Variants in PHF2 observed in about 807,000 individuals in gnomAD.
PHF2 encodes the protein lysine-specific demethylase PHF2.
Under a neutral mutation model 120.5 loss-of-function variants are expected in PHF2, and 27 were observed. That is an observed-to-expected ratio of 0.22 (90% confidence interval 0.17 to 0.31). The LOEUF (loss-of-function observed/expected upper bound fraction) is 0.31, where lower values mean the gene tolerates loss of function less well. PHF2 is among the 10% of genes least tolerant of loss of function. The pLI, the probability that PHF2 is intolerant of heterozygous loss-of-function variation, is 1.00. For synonymous variants in PHF2, 568 were observed against 592.5 expected (o/e 0.96, Z 0.60); for missense variants, 1,024 against 1,434.8 (o/e 0.71, Z 4.63).
At chr9:93,675,044 G>T in intron 19 of PHF2, 22 bp downstream of exon 19, 1 of 1,582,316 alleles carries the variant, frequency 6.3e-7, no homozygotes, top group Middle Eastern at 1.7e-4. Context: ...ACAGGGGTAG[G>T]GGGTCCACCT....
intron 16 of PHF2, among the ~76,000 whole-genome samples, chr9:93,666,786 C>A (rs1379864831): frequency 1.3e-5 from 2 of 151,952 alleles, no homozygotes; most frequent in Non-Finnish European, 2.9e-5. Context: ...AAAAATTAGC[C>A]GAGCGAGTGA....
intron 20 of PHF2, 25 bp downstream of exon 20, chr9:93,675,814 C>T (rs758598457): frequency 1.8e-5 from 29 of 1,568,708 alleles, no homozygotes; most frequent in African/African-American, 4.0e-5. Flanking sequence ...GAAGGACACA[C>T]GGCAGCCAGG....
chr9:93,578,704 T>A (rs1241371137), intron 1 of PHF2, among the ~76,000 whole-genome samples: 1 of 152,040 alleles, frequency 6.6e-6, no homozygotes, highest in East Asian at 1.9e-4. Context: ...AGGGAAAAAC[T>A]CCAGGAATGA....
intron 1 of PHF2, among the ~76,000 whole-genome samples, chr9:93,618,625 TA>T (rs751883422): frequency 2.6e-5 from 4 of 152,258 alleles, no homozygotes; most frequent in Non-Finnish European, 5.9e-5. Flanking sequence ...CACTTAACAA[TA>T]TATTTTTGGT....
intron 1 of PHF2, among the ~76,000 whole-genome samples, chr9:93,606,392 T>C (rs1435558468): frequency 6.6e-6 from 1 of 152,244 alleles, no homozygotes; most frequent in African/African-American, 2.4e-5. Flanking sequence ...TGGTGTTGTC[T>C]GTGTTCTGGA....
intron 5 of PHF2, among the ~76,000 whole-genome samples, chr9:93,652,754 T>C (rs1038347857): frequency 1.3e-5 from 2 of 152,188 alleles, no homozygotes; most frequent in Non-Finnish European, 2.9e-5. Context: ...TGTTGTCAGC[T>C]CTGGAGAGCA....
At chr9:93,645,539 C>T (rs758918070) in intron 3 of PHF2, 90 bp from the exon 4 acceptor site, 65 of 1,349,428 alleles carry the variant, frequency 4.8e-5, no homozygotes, top group Non-Finnish European at 6.0e-5. Flanking sequence ...GACCCAGGCT[C>T]ACCTCTCCAG....
intron 1 of PHF2, among the ~76,000 whole-genome samples, chr9:93,603,132 A>G (rs1032880416): frequency 2.0e-5 from 3 of 152,092 alleles, no homozygotes; most frequent in African/African-American, 7.2e-5. Flanking sequence ...CATGCCATGA[A>G]TCTTGTGGAT....
At chr9:93,613,762 A>T (rs1454490689) in intron 1 of PHF2, among the ~76,000 whole-genome samples, 1 of 151,354 alleles carries the variant, frequency 6.6e-6, no homozygotes, top group Non-Finnish European at 1.5e-5. Flanking sequence ...TTGTAGAGAG[A>T]GTCTTATTGT....
rs747350507 is a variant in PHF2 at position 93,655,934 on chromosome 9, G to C, written c.953G>C (p.Gly318Ala). ...KQGQTLFIPSGWIYATLTPVD... is the reference protein window; with the variant it reads ...KQGQTLFIPSAWIYATLTPVD... ...CCAGCCACTCCTGTCTCTCTCCCAG[G>C]CTGGATCTACGCCACACTCACCCCT... Residue 318 changes from glycine to alanine, a missense_variant and splice_region_variant, in exon 8 of 22, where the codon GGC (glycine) becomes GCC (alanine). By Grantham distance (60) the Gly-to-Ala change is moderately conservative. This residue lies in a region of PHF2 where 347 missense variants were observed against 577.4 expected (regional missense o/e 0.60). Transcript: ENST00000359246. 3 of 1,610,860 alleles carry C rather than the reference G, an allele frequency of 1.9e-6. No individual in the cohort carries two copies. The South Asian group carries it at 3.3e-5, about 18-fold the overall frequency.
At chr9:93,645,987 C>T (rs1826251722) in intron 4 of PHF2, among the ~76,000 whole-genome samples, 198 bp downstream of exon 4, 1 of 152,216 alleles carries the variant, frequency 6.6e-6, no homozygotes, top group Non-Finnish European at 1.5e-5. Context: ...TATGACCTGG[C>T]AGGTCCCTTG....
intron 1 of PHF2, among the ~76,000 whole-genome samples, chr9:93,618,841 T>TG (rs1825772461): frequency 6.9e-6 from 1 of 144,088 alleles, no homozygotes; most frequent in Non-Finnish European, 1.5e-5. Flanking sequence ...GTGTGGTGTG[T>TG]GTGTGTGCCT....
intron 1 of PHF2, among the ~76,000 whole-genome samples, chr9:93,583,826 CTTT>C (rs113746371): frequency 6.7e-4 from 83 of 124,556 alleles, no homozygotes; most frequent in Middle Eastern, 4.7e-3. Context: ...TTTTTCTTTT[CTTT>C]TTTTTTTTTT....
chr9:93,592,917 A>G (rs1476134482), intron 1 of PHF2, among the ~76,000 whole-genome samples: 1 of 151,792 alleles, frequency 6.6e-6, no homozygotes, highest in African/African-American at 2.4e-5. Context: ...TCCCTCTCCA[A>G]CTGGAGGACC....
At chr9:93,588,573 GC>G (rs1486348049) in intron 1 of PHF2, among the ~76,000 whole-genome samples, 1 of 152,162 alleles carries the variant, frequency 6.6e-6, no homozygotes, top group Non-Finnish European at 1.5e-5. Flanking sequence ...CCACTCCCCT[GC>G]CATGCACTCC....
chr9:93,655,345 C>G (rs966137573), intron 7 of PHF2, among the ~76,000 whole-genome samples: 1 of 150,254 alleles, frequency 6.7e-6, no homozygotes, highest in Admixed American at 6.6e-5. Context: ...TTATAAGGCT[C>G]AGAATCTTCT....
chr9:93,583,375 G>T (rs1012345196), intron 1 of PHF2, among the ~76,000 whole-genome samples: 2 of 152,128 alleles, frequency 1.3e-5, no homozygotes, highest in African/African-American at 4.8e-5. Context: ...ATAAACATTT[G>T]TGTATAAATA....
rs145825923 is a variant in PHF2 at position 93,637,014 on chromosome 9, G to A, written c.299+489G>A. On this transcript the variant is annotated intron_variant, in intron 3 of 21. Coordinates refer to ENST00000359246, the MANE Select transcript of PHF2 (RefSeq NM_005392.4). ...AAGGACACAGCCGGGAGCGGCTCCT[G>A]GTGAGAAAGGAGCTGTTTAGGGGAG... Among the ~76,000 whole-genome samples the A allele has an allele frequency of 3.5e-3, 539 of 152,350 alleles. 4 individuals are homozygous for A. The highest frequency in any genetic ancestry group is 0.012 in the African/African-American group (506 of 41,578).
intron 1 of PHF2, among the ~76,000 whole-genome samples, chr9:93,615,084 AGTGATGGTGATGGTAATAAAGATG>A (rs1825703024): frequency 1.4e-5 from 2 of 138,766 alleles, no homozygotes; most frequent in South Asian, 2.3e-4. Flanking sequence ...TGGTGATGGT[AGTGATGGTGATGGTAATAAAGATG>A]GTGATGGTGA....
Sources: gnomAD v4.1 joint callset for allele counts (sites outside exome capture counted in the v4.1 genomes callset) on GRCh38, gnomAD v4.1.1 for gene constraint, gnomAD v4.1.1 regional missense constraint, MANE v1.5 for transcripts, NCBI Gene and HGNC (gene_info 2026-07-23, HGNC 2026-07-21) for gene names.